DLGAP1: variants seen among roughly 807,000 people sequenced by gnomAD.
DLGAP1 encodes the protein DLG associated protein 1, also known as disks large-associated protein 1.
Under a neutral mutation model 90.8 loss-of-function variants are expected in DLGAP1, and 11 were observed. The observed-to-expected ratio is 0.12, with a 90% CI of 0.08 to 0.20. The LOEUF (loss-of-function observed/expected upper bound fraction) is 0.20, where lower values mean the gene tolerates loss of function less well. DLGAP1 is among the 10% of genes least tolerant of loss of function. The pLI is 1.00. For missense variants in DLGAP1, 1,050 were observed against 1,333.8 expected, an observed-to-expected ratio of 0.79 and a Z score of 3.31; for synonymous variants, 558 against 540.7, an observed-to-expected ratio of 1.03 and a Z score of -0.44.
At chr18:4,106,547 G>A (rs2075871566) in intron 2 of DLGAP1, among the ~76,000 whole-genome samples, 1 of 152,178 alleles carries the variant, frequency 6.6e-6, no homozygotes, top group Non-Finnish European at 1.5e-5. Context: ...AATGTGCCCA[G>A]GTTTGCTAAA....
chr18:3,752,079 T>C (rs2063521664), intron 5 of DLGAP1, among the ~76,000 whole-genome samples: 1 of 151,606 alleles, frequency 6.6e-6, no homozygotes, highest in African/African-American at 2.4e-5. Context: ...AGACAGGGTT[T>C]CATCATGTTG....
At chr18:4,205,618 A>C (rs2077705060) in intron 1 of DLGAP1, among the ~76,000 whole-genome samples, 1 of 152,198 alleles carries the variant, frequency 6.6e-6, no homozygotes, top group Non-Finnish European at 1.5e-5. Context: ...TTAGCCTCCC[A>C]AACTGCTGGG....
At chr18:3,840,363 C>T (rs1201383541) in intron 4 of DLGAP1, among the ~76,000 whole-genome samples, 2 of 152,140 alleles carry the variant, frequency 1.3e-5, no homozygotes, top group African/African-American at 2.4e-5. Flanking sequence ...TCTGGAGGCT[C>T]GAGGGGAGAA....
chr18:3,541,243 GAA>G (rs1256510082), intron 9 of DLGAP1, among the ~76,000 whole-genome samples: 1 of 152,006 alleles, frequency 6.6e-6, no homozygotes, highest in Non-Finnish European at 1.5e-5. Flanking sequence ...AAGAGAGAGA[GAA>G]AGAGAAGGAG....
intron 2 of DLGAP1, among the ~76,000 whole-genome samples, chr18:4,067,997 CAG>C (rs1402765585): frequency 6.6e-6 from 1 of 152,050 alleles, no homozygotes; most frequent in East Asian, 1.9e-4. Context: ...AAATATTTTA[CAG>C]AGTTTGACTG....
At chr18:3,614,148 G>GAGCTC (rs1437283600) in intron 7 of DLGAP1, among the ~76,000 whole-genome samples, 2 of 151,930 alleles carry the variant, frequency 1.3e-5, no homozygotes, top group Non-Finnish European at 2.9e-5. Context: ...TCGAACTCCT[G>GAGCTC]AGCTCAGGCA....
At chr18:3,643,908 T>C (rs986563022) in intron 7 of DLGAP1, among the ~76,000 whole-genome samples, 2 of 152,060 alleles carry the variant, frequency 1.3e-5, no homozygotes, top group East Asian at 1.9e-4. Context: ...TGGCAGACTT[T>C]TGCCAATGAA....
At chr18:4,278,937 C>T (rs2079483906) in intron 1 of DLGAP1, among the ~76,000 whole-genome samples, 1 of 152,132 alleles carries the variant, frequency 6.6e-6, no homozygotes, top group South Asian at 2.1e-4. Flanking sequence ...CAAGAAAAAA[C>T]CTTAAAATAC....
At chr18:4,072,030 G>C (rs1026457227) in intron 2 of DLGAP1, among the ~76,000 whole-genome samples, 1 of 152,162 alleles carries the variant, frequency 6.6e-6, no homozygotes, top group South Asian at 2.1e-4. Context: ...ATTATCTCTT[G>C]GTTCCTGTGG....
intron 3 of DLGAP1, among the ~76,000 whole-genome samples, chr18:3,959,579 G>A (rs768233585): frequency 6.6e-6 from 1 of 151,910 alleles, no homozygotes; most frequent in Admixed American, 6.6e-5. Flanking sequence ...AGGCAGAATC[G>A]CTTGAACCCG....
chr18:3,879,645 C>T lies in DLGAP1; in HGVS notation c.424G>A (p.Val142Met). ...SDSPGRIRHL[V>M]HSVQKLFTKS... is the part of the protein sequence containing the mutation. ...GTGAAGAGCTTCTGGACCGAGTGCACCAGGTGGCGGATGCGGCCGGGGCTG... is the reference window on the plus strand; with the variant it reads ...GTGAAGAGCTTCTGGACCGAGTGCATCAGGTGGCGGATGCGGCCGGGGCTG... The change falls in exon 4 of 13, where the codon GTG (valine) becomes ATG (methionine). Residue 142 changes from valine to methionine, a missense_variant. Val to Met is a conservative substitution (Grantham distance 21). Coordinates refer to ENST00000315677, the MANE Select transcript of DLGAP1 (RefSeq NM_004746.4). The surrounding 1 kb of genome is among the most constrained non-coding windows in gnomAD (Gnocchi z 6.6). The T allele has an allele frequency of 1.9e-6, 3 of 1,605,552 alleles. No homozygotes were observed. In the South Asian group the frequency reaches 3.3e-5, roughly 18 times the overall value.
chr18:4,443,360 G>A (rs1360979669), intron 1 of DLGAP1, among the ~76,000 whole-genome samples: 3 of 152,212 alleles, frequency 2.0e-5, no homozygotes, highest in African/African-American at 7.2e-5. Flanking sequence ...TGCAGGAGGA[G>A]CTGCTGATGG....
chr18:4,060,379 C>T (rs142947273), intron 2 of DLGAP1, among the ~76,000 whole-genome samples: 78 of 152,308 alleles, frequency 5.1e-4, no homozygotes, highest in African/African-American at 1.8e-3. Context: ...AAATATACTT[C>T]CCAAGATGGG....
At chr18:3,908,392 T>C (rs988525242) in intron 3 of DLGAP1, among the ~76,000 whole-genome samples, 9 of 152,190 alleles carry the variant, frequency 5.9e-5, no homozygotes, top group Non-Finnish European at 1.0e-4. Context: ...AAATAGTGCA[T>C]AACTATAGAA....
chr18:4,439,440 G>A (rs910125719), intron 1 of DLGAP1, among the ~76,000 whole-genome samples: 1 of 152,206 alleles, frequency 6.6e-6, no homozygotes, highest in Admixed American at 6.5e-5. Flanking sequence ...TTATTAAGAA[G>A]TTCTATGCTA....
intron 2 of DLGAP1, among the ~76,000 whole-genome samples, chr18:4,148,129 A>G (rs1211194210): frequency 6.6e-6 from 1 of 152,198 alleles, no homozygotes; most frequent in African/African-American, 2.4e-5. Context: ...AAAGCCTAAA[A>G]GGAAACAAAA....
At chr18:3,714,046 T>C (rs2061679394) in intron 7 of DLGAP1, among the ~76,000 whole-genome samples, 1 of 152,168 alleles carries the variant, frequency 6.6e-6, no homozygotes, top group African/African-American at 2.4e-5. Flanking sequence ...CTTCTGGAGG[T>C]ACGGTGTTAA....
chr18:4,197,315 C>A (rs1226298084), intron 1 of DLGAP1, among the ~76,000 whole-genome samples: 1 of 151,048 alleles, frequency 6.6e-6, no homozygotes, highest in Non-Finnish European at 1.5e-5. Context: ...AGAATCTGAT[C>A]GAGAAGAAGG....
chr18:3,498,500 T>A lies in DLGAP1; in HGVS notation c.*685A>T, dbSNP rs1315059133. The stretch of plus-strand genomic sequence containing the variant: ...ACATTTGAAGCTGTGATTGATGAAG[T>A]AACAGTGAGGCAGTTTGTGCAGCTG... On this transcript the variant is annotated 3_prime_UTR_variant, in exon 13 of 13. Transcript: ENST00000315677. The A allele has an allele frequency of 1.3e-5, 2 of 152,200 alleles. No individual in the cohort carries two copies. Among genetic ancestry groups the A allele is most frequent in the East Asian group, 3.9e-4 (2 of 5,186 alleles). The allele number at this position is 152,200 out of a possible 1,614,324, so 9.4% of individuals were successfully genotyped here.
Sources: gnomAD v4.1 joint callset for allele counts (sites outside exome capture counted in the v4.1 genomes callset) on GRCh38, gnomAD v4.1.1 for gene constraint, Gnocchi (gnomAD v3.1) non-coding constraint, MANE v1.5 for transcripts, NCBI Gene and HGNC (gene_info 2026-07-23, HGNC 2026-07-21) for gene names.